Variants in UBE2D2 observed in about 807,000 individuals in gnomAD.
UBE2D2 encodes the protein ubiquitin conjugating enzyme E2 D2, also known as ubiquitin-conjugating enzyme E2 D2.
A neutral mutation model predicts 24.2 loss-of-function variants in UBE2D2; 2 were observed. The ratio of observed to expected loss-of-function variants is 0.08; its 90% CI spans 0.03 to 0.26. The LOEUF is 0.26. Ranked by LOEUF, UBE2D2 falls within the 10% of genes least tolerant of loss-of-function variation. The pLI, the probability that UBE2D2 is intolerant of heterozygous loss-of-function variation, is 1.00. For missense variants in UBE2D2, 44 were observed against 177.6 expected (o/e 0.25, Z 4.28); for synonymous variants, 58 against 56.5 (o/e 1.03, Z -0.12).
intron 1 of UBE2D2, among the ~76,000 whole-genome samples, chr5:139,545,055 A>G (rs1752807770): frequency 6.6e-6 from 1 of 152,036 alleles, no homozygotes; most frequent in Non-Finnish European, 1.5e-5. Context: ...CTGGGATTTC[A>G]GGCGTGAGCC....
intron 1 of UBE2D2, among the ~76,000 whole-genome samples, chr5:139,552,034 C>A (rs530513302): frequency 8.5e-5 from 13 of 152,232 alleles, no homozygotes; most frequent in Admixed American, 2.6e-4. Context: ...AATGTAAAAT[C>A]AAGTATAATT....
chr5:139,557,723 G>A (rs575980607), upstream of UBE2D2, among the ~76,000 whole-genome samples: 21 of 151,964 alleles, frequency 1.4e-4, no homozygotes, highest in South Asian at 2.3e-3. Context: ...CTCCAGGCTC[G>A]GCAATAGAGT....
chr5:139,562,269 C>T (rs1426255412), intron 1 of UBE2D2: 7 of 1,358,020 alleles, frequency 5.2e-6, no homozygotes, highest in Non-Finnish European at 6.8e-6. Context: ...CGCCTGAGCT[C>T]GGGCTGACAG....
intron 1 of UBE2D2, among the ~76,000 whole-genome samples, chr5:139,588,021 CT>C (rs1196739240): frequency 1.3e-5 from 2 of 152,152 alleles, no homozygotes; most frequent in Non-Finnish European, 2.9e-5. Context: ...CCAGCTAGTC[CT>C]GTCTCTCCAT....
At chr5:139,617,000 G>T (rs1384501245) in intron 5 of UBE2D2, among the ~76,000 whole-genome samples, 1 of 152,022 alleles carries the variant, frequency 6.6e-6, no homozygotes. Context: ...TGGCCAACAT[G>T]GCAAAACCCC....
At chr5:139,593,746 G>C (rs977108762) in intron 1 of UBE2D2, among the ~76,000 whole-genome samples, 1 of 151,906 alleles carries the variant, frequency 6.6e-6, no homozygotes, top group Non-Finnish European at 1.5e-5. Context: ...CAGGTAGCTA[G>C]GACTACAGGC....
chr5:139,614,848 T>G lies in UBE2D2; in HGVS notation c.199-13T>G. On this transcript the variant is annotated splice_polypyrimidine_tract_variant and intron_variant, in intron 4 of 6. Coordinates refer to ENST00000398733, the MANE Select transcript of UBE2D2 (RefSeq NM_003339.3). ...ATAAACTAGTTTACAGAAAGTTTCC[T>G]TTCTTTCTGTAGGTTGCATTTACAA... The G allele has an allele frequency of 6.2e-7, 1 of 1,612,424 alleles. No individual in the cohort carries two copies. The highest frequency in any genetic ancestry group is 1.1e-5 in the South Asian group (1 of 90,662).
intron 2 of UBE2D2, among the ~76,000 whole-genome samples, chr5:139,609,493 C>T (rs1407563832): frequency 1.3e-5 from 2 of 151,816 alleles, no homozygotes; most frequent in Non-Finnish European, 2.9e-5. Context: ...GCCTCAGCCT[C>T]CCGAGTAGCT....
intron 1 of UBE2D2, among the ~76,000 whole-genome samples, chr5:139,531,373 C>A (rs1008399707): frequency 6.6e-6 from 1 of 152,148 alleles, no homozygotes; most frequent in Non-Finnish European, 1.5e-5. Flanking sequence ...TGTCACGTAC[C>A]GCCTGCCTGC....
chr5:139,576,144 C>T (rs76570648), intron 1 of UBE2D2, among the ~76,000 whole-genome samples: 7,268 of 152,274 alleles, frequency 0.048, 222 homozygotes, highest in Middle Eastern at 0.13. Flanking sequence ...TAAATGTTTA[C>T]ATATTTATAC....
intron 1 of UBE2D2, among the ~76,000 whole-genome samples, chr5:139,550,730 G>C (rs368517544): frequency 8.0e-4 from 121 of 151,362 alleles, no homozygotes; most frequent in African/African-American, 2.7e-3. Flanking sequence ...AGTAACTCCA[G>C]ACGCGCTGCC....
intron 1 of UBE2D2, among the ~76,000 whole-genome samples, chr5:139,580,000 C>T (rs571036809): frequency 1.3e-4 from 20 of 151,068 alleles, no homozygotes; most frequent in Non-Finnish European, 2.7e-4. Flanking sequence ...GAGCTGAGAT[C>T]ATGCCGTTGC....
Position 139,561,743 on chromosome 5 carries a change from T to A in UBE2D2, c.-49T>A. On this transcript the variant is annotated 5_prime_UTR_variant, in exon 1 of 7. Transcript: ENST00000398733. ...GCTCCCTAGCCCCTTCCCCGTCCCT[T>A]CCCCGCCCCCGTCCCCGCCCCGGGG... 8.9e-6 allele frequency: 12 copies of A among 1,349,450 alleles called. No individual in the cohort carries two copies. The highest frequency in any genetic ancestry group is 1.4e-5 in the South Asian group (1 of 72,576). 83.6% of individuals were successfully genotyped at this position (1,349,450 alleles called of 1,614,324 possible). A position where few individuals can be genotyped will look rare whatever the true frequency, so the allele number is the denominator to read the frequency against.
chr5:139,538,746 G>A (rs1258037797), intron 1 of UBE2D2, among the ~76,000 whole-genome samples: 1 of 151,914 alleles, frequency 6.6e-6, no homozygotes, highest in Non-Finnish European at 1.5e-5. Context: ...GGTGGCGCAT[G>A]CCTGTAATCC....
intron 1 of UBE2D2, among the ~76,000 whole-genome samples, chr5:139,595,690 G>C (rs1753943553): frequency 6.6e-6 from 1 of 151,842 alleles, no homozygotes; most frequent in Non-Finnish European, 1.5e-5. Context: ...GATAATTCTT[G>C]CACAGACCCA....
Position 139,588,350 on chromosome 5 carries a change from A to G in UBE2D2, c.25-12022A>G, listed in dbSNP as rs1006079648. On this transcript the variant is annotated intron_variant, in intron 1 of 6. Transcript: ENST00000398733. ...GAGTGCAGTGGCGCGATCTCAGCTC[A>G]CTGCAACCTCCGCCTCCCAGGTTCA... Among the ~76,000 whole-genome samples the G allele has an allele frequency of 5.3e-5, 8 of 150,812 alleles. 1 individual carries two copies. Among genetic ancestry groups the G allele is most frequent in the Non-Finnish European group, 8.9e-5 (6 of 67,776 alleles).
chr5:139,582,664 G>A lies in UBE2D2; in HGVS notation c.25-17708G>A, dbSNP rs1040405842. Among the ~76,000 whole-genome samples, 8 of 141,666 alleles carry A rather than the reference G, an allele frequency of 5.6e-5. No homozygotes were observed. In the East Asian group the frequency reaches 6.0e-4, roughly 11 times the overall value. 92.9% of individuals were successfully genotyped at this position (141,666 alleles called of 152,430 possible). A position where few individuals can be genotyped will look rare whatever the true frequency, so the allele number is the denominator to read the frequency against. On this transcript the variant is annotated intron_variant, in intron 1 of 6. Transcript: ENST00000398733. ...TCAGATTTCGAAGCGATTTAGATTC[G>A]AATTTTTTTTTTTTTTTTTTTTTTG...
In UBE2D2 at chr5:139,579,127, C is replaced by T. The variant is rs568031418; in HGVS notation, c.24+17312C>T. On this transcript the variant is annotated intron_variant, in intron 1 of 6. Transcript: ENST00000398733. The stretch of plus-strand genomic sequence containing the variant: ...GAATTACAGGTGTGTGCCACCACAC[C>T]CAGCTAATTTTTGTATTTTAATTTT... Among the ~76,000 whole-genome samples, 13 of 151,956 alleles carry T rather than the reference C, an allele frequency of 8.6e-5. No individual in the cohort carries two copies. The East Asian group carries it at 2.1e-3, about 25-fold the overall frequency.
chr5:139,532,171 T>C (rs571095662), intron 1 of UBE2D2, among the ~76,000 whole-genome samples: 47 of 149,460 alleles, frequency 3.1e-4, no homozygotes, highest in Admixed American at 1.9e-3. Flanking sequence ...GAATTTATTC[T>C]ACTTTTTTTT....
Sources: allele counts gnomAD v4.1 joint callset (sites outside exome capture counted in the v4.1 genomes callset), GRCh38; gene constraint gnomAD v4.1.1; transcripts MANE v1.5; gene names NCBI Gene and HGNC (gene_info 2026-07-23, HGNC 2026-07-21).